The following AKAP8L variants were observed in gnomAD, a reference collection of about 807,000 sequenced individuals.
AKAP8L encodes the protein A-kinase anchor protein 8-like.
A neutral mutation model predicts 77.5 loss-of-function variants in AKAP8L; 34 were observed. The ratio of observed to expected loss-of-function variants is 0.44; its 90% confidence interval spans 0.33 to 0.58. The LOEUF (loss-of-function observed/expected upper bound fraction) is 0.58. Among genes scored for constraint, AKAP8L ranks in the 20% least tolerant of loss-of-function variants. The pLI is 0.02. For missense variants in AKAP8L, 806 were observed against 887.6 expected, an observed-to-expected ratio of 0.91 and a Z score of 1.17; for synonymous variants, 342 against 340.7, an observed-to-expected ratio of 1.00 and a Z score of -0.04.
At chr19:15,409,118 C>T (rs1968059909) in intron 2 of AKAP8L, among the ~76,000 whole-genome samples, 1 of 152,108 alleles carries the variant, frequency 6.6e-6, no homozygotes, top group Non-Finnish European at 1.5e-5. Context: ...GCAAAACCAT[C>T]ATCTATTAAA....
At chr19:15,406,069 AG>A (rs1220525973) in intron 2 of AKAP8L, among the ~76,000 whole-genome samples, 41 of 152,158 alleles carry the variant, frequency 2.7e-4, no homozygotes, top group African/African-American at 9.9e-4. Context: ...GCACAACGAA[AG>A]GAAGCAGCAT....
At chr19:15,405,921 C>T (rs1193061779) in intron 2 of AKAP8L, among the ~76,000 whole-genome samples, 1 of 133,228 alleles carries the variant, frequency 7.5e-6, no homozygotes, top group Non-Finnish European at 1.6e-5. Context: ...GACTCTGTCT[C>T]AAAAAAAAAA....
chr19:15,396,635 T>C (rs1053343953), intron 12 of AKAP8L, among the ~76,000 whole-genome samples: 1 of 152,028 alleles, frequency 6.6e-6, no homozygotes, highest in Non-Finnish European at 1.5e-5. Flanking sequence ...ACTGCTCTTC[T>C]CCCCTTCACT....
chr19:15,417,627 C>A (rs569393953), intron 1 of AKAP8L: 1 of 152,384 alleles, frequency 6.6e-6, no homozygotes. Flanking sequence ...TCTTGGAAAG[C>A]TCCTGACCTG....
chr19:15,382,602 G>A (rs1390317833), intron 12 of AKAP8L, among the ~76,000 whole-genome samples: 1 of 152,180 alleles, frequency 6.6e-6, no homozygotes, highest in African/African-American at 2.4e-5. Context: ...TACCAGTTGA[G>A]CATCCCTACT....
chr19:15,389,156 C>T (rs1337536077), intron 12 of AKAP8L, among the ~76,000 whole-genome samples: 3 of 145,500 alleles, frequency 2.1e-5, no homozygotes, highest in Non-Finnish European at 3.0e-5. Context: ...ACCCAGGAGG[C>T]GGAGCTTGCA....
chr19:15,385,394 G>C (rs1967512845), intron 12 of AKAP8L, among the ~76,000 whole-genome samples: 1 of 150,998 alleles, frequency 6.6e-6, no homozygotes, highest in African/African-American at 2.4e-5. Context: ...TGTTAGCCAG[G>C]ATGGTCTCGA....
In AKAP8L at chr19:15,398,408, G is replaced by T; in HGVS notation, c.1158-553C>A. 4.8e-6 allele frequency: 1 copy of T among 206,302 alleles called. No individual in the cohort carries two copies. Among genetic ancestry groups the T allele is most frequent in the Non-Finnish European group, 8.6e-6 (1 of 115,688 alleles). 12.8% of individuals were successfully genotyped at this position (206,302 alleles called of 1,614,324 possible). On this transcript the variant is annotated intron_variant, in intron 9 of 13. Coordinates refer to ENST00000397410, the MANE Select transcript of AKAP8L (RefSeq NM_014371.4). The surrounding 1 kb of genome is among the most constrained non-coding windows in gnomAD (Gnocchi z 9.2). ...TGGGAGGCAGCAGGCCTGGGCACCTGCTGCCTCATCTTCCTCTTCCAAGAA... is the reference window on the plus strand; with the variant it reads ...TGGGAGGCAGCAGGCCTGGGCACCTTCTGCCTCATCTTCCTCTTCCAAGAA...
chr19:15,395,983 C>CAGAAAAAAA lies in AKAP8L; in HGVS notation c.1536+1166_1536+1167insTTTTTTTCT, dbSNP rs1452398542. Among the ~76,000 whole-genome samples the CAGAAAAAAA allele has an allele frequency of 7.4e-4, 30 of 40,502 alleles. 1 individual carries two copies. The highest frequency in any genetic ancestry group is 1.0e-3 in the Non-Finnish European group (23 of 22,496). The allele number at this position is 40,502 out of a possible 152,430, so 26.6% of individuals were successfully genotyped here. On this transcript the variant is annotated intron_variant, in intron 12 of 13. Coordinates refer to ENST00000397410, the MANE Select transcript of AKAP8L (RefSeq NM_014371.4). ...TGGGCGACAGAGCGAGACTCCGTCT[C>CAGAAAAAAA]AAAAAAAAAAAAAAAAAAAGAATCT...
intron 1 of AKAP8L, among the ~76,000 whole-genome samples, chr19:15,413,891 G>C (rs1968152301): frequency 6.6e-6 from 1 of 152,118 alleles, no homozygotes; most frequent in Non-Finnish European, 1.5e-5. Context: ...GGGCCCTGGT[G>C]CTTCCCTAGG....
chr19:15,389,495 G>A (rs1285023787), intron 12 of AKAP8L, among the ~76,000 whole-genome samples: 4 of 152,160 alleles, frequency 2.6e-5, no homozygotes, highest in East Asian at 3.9e-4. Flanking sequence ...AGCTCAGGCC[G>A]GGCGTGGTGG....
chr19:15,391,542 T>A (rs559852646), intron 12 of AKAP8L, among the ~76,000 whole-genome samples: 35 of 144,894 alleles, frequency 2.4e-4, no homozygotes, highest in African/African-American at 8.4e-4. Flanking sequence ...TATTTTATTT[T>A]ATTTATTTAT....
rs149900651 is a variant in AKAP8L, at chr19:15,401,067, G to A, written c.817-24C>T. Reference sequence around the variant, plus strand: ...GTCTGGGTCATAAGGGGGGGAAGCCGTGTCAGGGTGCATGGCACCCGGCCC... The same window carrying A: ...GTCTGGGTCATAAGGGGGGGAAGCCATGTCAGGGTGCATGGCACCCGGCCC... On this transcript the variant is annotated intron_variant, in intron 5 of 13. Coordinates refer to ENST00000397410, the MANE Select transcript of AKAP8L (RefSeq NM_014371.4). The surrounding 1 kb of genome is among the most constrained non-coding windows in gnomAD (Gnocchi z 6.2). 2.0e-5 allele frequency: 33 copies of A among 1,609,950 alleles called. No homozygotes were observed. The highest frequency in any genetic ancestry group is 4.0e-5 in the African/African-American group (3 of 75,048).
chr19:15,383,895 C>T (rs1967469463), intron 12 of AKAP8L: 1 of 149,806 alleles, frequency 6.7e-6, no homozygotes, highest in African/African-American at 2.5e-5. Context: ...TTTAAGAACA[C>T]AGAACATTCC....
rs1407990458 is a variant in AKAP8L at position 15,399,933 on chromosome 19, C to A, written c.1048+362G>T. 5.2e-6 allele frequency: 2 copies of A among 381,236 alleles called. No individual in the cohort carries two copies. Among genetic ancestry groups the A allele is most frequent in the Non-Finnish European group, 9.6e-6 (2 of 207,766 alleles). The allele number at this position is 381,236 out of a possible 1,614,324, so 23.6% of individuals were successfully genotyped here. Reference sequence around the variant, plus strand: ...GCACACCAGAGCCGTAAAAACTGCACCGAGGGTCCCAGATCGGACACCAGC... The same window carrying A: ...GCACACCAGAGCCGTAAAAACTGCAACGAGGGTCCCAGATCGGACACCAGC... On this transcript the variant is annotated intron_variant, in intron 8 of 13. Coordinates refer to ENST00000397410, the MANE Select transcript of AKAP8L (RefSeq NM_014371.4). The surrounding 1 kb of genome is among the most constrained non-coding windows in gnomAD (Gnocchi z 6.1).
intron 1 of AKAP8L, 24 bp from the exon 2 acceptor site, chr19:15,410,618 A>G (rs1220396077): frequency 1.3e-6 from 2 of 1,558,452 alleles, no homozygotes; most frequent in East Asian, 2.3e-5. Flanking sequence ...CAGTGGGGTT[A>G]ATTTCCACAA....
Position 15,399,206 on chromosome 19 carries a change from G to T in AKAP8L, c.1157+96C>A. 2 of 1,146,864 alleles carry T rather than the reference G, an allele frequency of 1.7e-6. No homozygotes were observed. Among genetic ancestry groups the T allele is most frequent in the Non-Finnish European group, 2.6e-6 (2 of 773,968 alleles). The allele number at this position is 1,146,864 out of a possible 1,614,324, so 71.0% of individuals were successfully genotyped here. On this transcript the variant is annotated intron_variant, in intron 9 of 13. Transcript: ENST00000397410. The surrounding 1 kb of genome is among the most constrained non-coding windows in gnomAD (Gnocchi z 6.1). ...GAGCAGGTGGCGGCTCCCAAGGGAG[G>T]CCAGAGGGCGGCGAGCTGGCAGAGC...
At chr19:15,417,412 A>G (rs1233351798) in intron 1 of AKAP8L, among the ~76,000 whole-genome samples, 3 of 152,164 alleles carry the variant, frequency 2.0e-5, no homozygotes, top group Non-Finnish European at 4.4e-5. Context: ...GTTTGACGCC[A>G]GATACTTCTT....
Position 15,398,960 on chromosome 19 carries a change from C to G in AKAP8L, c.1157+342G>C, listed in dbSNP as rs1967832253. 5.2e-6 allele frequency: 2 copies of G among 386,812 alleles called. No individual in the cohort carries two copies. Among genetic ancestry groups the G allele is most frequent in the Non-Finnish European group, 8.9e-6 (2 of 225,484 alleles). 24.0% of individuals were successfully genotyped at this position (386,812 alleles called of 1,614,324 possible). ...GGCACAGGCGCCTTGGACCTTGAGT[C>G]TCTGATGAGCTGGCCCCCTCCCTCA... On this transcript the variant is annotated intron_variant, in intron 9 of 13. Transcript: ENST00000397410. The surrounding 1 kb of genome is among the most constrained non-coding windows in gnomAD (Gnocchi z 9.2).
Sources: gnomAD v4.1 joint callset for allele counts (sites outside exome capture counted in the v4.1 genomes callset) on GRCh38, gnomAD v4.1.1 for gene constraint, Gnocchi (gnomAD v3.1) non-coding constraint, MANE v1.5 for transcripts, NCBI Gene and HGNC (gene_info 2026-07-23, HGNC 2026-07-21) for gene names.